SNCAIP: variants seen among roughly 807,000 people sequenced by gnomAD.
SNCAIP encodes synphilin-1.
In SNCAIP, 43 loss-of-function variants were observed where a neutral mutation model predicts 86.7. The ratio of observed to expected loss-of-function variants is 0.50; its 90% CI spans 0.39 to 0.64. SNCAIP has a LOEUF of 0.64. Ranked by LOEUF, SNCAIP falls within the 30% of genes least tolerant of loss-of-function variation. The probability of loss-of-function intolerance (pLI) is 0.00; values close to 1 mark genes in which losing one functional copy is unlikely to be tolerated. For synonymous variants in SNCAIP, 417 were observed against 427.2 expected, an observed-to-expected ratio of 0.98 and a Z score of 0.29; for missense variants, 981 against 1,103.1, an observed-to-expected ratio of 0.89 and a Z score of 1.57.
At position 122,335,429 on chromosome 5, in the gene SNCAIP, A is replaced by G. The variant is rs190908842; in HGVS notation, c.-47+23145A>G. Among the ~76,000 whole-genome samples, 8 of 152,344 alleles carry G rather than the reference A, an allele frequency of 5.3e-5. No homozygotes were observed. In the East Asian group the frequency reaches 1.3e-3, roughly 26 times the overall value. On this transcript the variant is annotated intron_variant, in intron 1 of 10. Coordinates refer to ENST00000261368, the MANE Select transcript of SNCAIP (RefSeq NM_005460.4). Reference sequence around the variant, plus strand: ...CAAAAGTATATATTTGTAGTTGTACAGCAAGCAGATACACCAGCTCTTTTG... The same window carrying G: ...CAAAAGTATATATTTGTAGTTGTACGGCAAGCAGATACACCAGCTCTTTTG...
At chr5:122,397,853 G>A (rs1770946591) in intron 2 of SNCAIP, among the ~76,000 whole-genome samples, 1 of 151,840 alleles carries the variant, frequency 6.6e-6, no homozygotes, top group Non-Finnish European at 1.5e-5. Context: ...CTGGAAAGAA[G>A]TTTTCAAAGT....
chr5:122,362,729 A>AAACTCATTCCGTTGGACG (rs1762433227), intron 1 of SNCAIP, among the ~76,000 whole-genome samples: 1 of 152,204 alleles, frequency 6.6e-6, no homozygotes, highest in South Asian at 2.1e-4. Flanking sequence ...GGAATGAAGC[A>AAACTCATTCCGTTGGACG]GAGGGTCCAA....
intron 3 of SNCAIP, among the ~76,000 whole-genome samples, chr5:122,414,111 GT>G (rs999474720): frequency 3.3e-5 from 5 of 151,250 alleles, no homozygotes; most frequent in Non-Finnish European, 5.9e-5. Context: ...GGATCTCAGT[GT>G]TACTCAGGCT....
At chr5:122,399,847 G>A (rs1771412239) in intron 2 of SNCAIP, among the ~76,000 whole-genome samples, 1 of 152,060 alleles carries the variant, frequency 6.6e-6, no homozygotes, top group Non-Finnish European at 1.5e-5. Flanking sequence ...TCACCCATAT[G>A]GCTTGTGAAA....
intron 1 of SNCAIP, among the ~76,000 whole-genome samples, chr5:122,382,570 G>C (rs903977814): frequency 3.8e-3 from 575 of 152,306 alleles, no homozygotes; most frequent in Non-Finnish European, 5.8e-3. Flanking sequence ...ATCCAGCTTT[G>C]TTCCGTTGCT....
intron 1 of SNCAIP, among the ~76,000 whole-genome samples, chr5:122,382,768 A>T (rs1767143240): frequency 6.6e-6 from 1 of 151,874 alleles, no homozygotes; most frequent in East Asian, 1.9e-4. Flanking sequence ...AACAGACAGG[A>T]CCCTCAGCTG....
At chr5:122,350,209 C>G (rs1759476745) in intron 1 of SNCAIP, among the ~76,000 whole-genome samples, 1 of 152,082 alleles carries the variant, frequency 6.6e-6, no homozygotes, top group South Asian at 2.1e-4. Context: ...TCCATCCCAG[C>G]TAAAAAGATT....
intron 10 of SNCAIP, among the ~76,000 whole-genome samples, chr5:122,456,844 A>G (rs1784865848): frequency 6.6e-6 from 1 of 152,250 alleles, no homozygotes; most frequent in Non-Finnish European, 1.5e-5. Context: ...TGTTGAGTGC[A>G]TCCTTCCAGA....
At chr5:122,419,981 C>T (rs1776057416) in intron 3 of SNCAIP, among the ~76,000 whole-genome samples, 1 of 152,092 alleles carries the variant, frequency 6.6e-6, no homozygotes, top group South Asian at 2.1e-4. Context: ...ACAAAGTTGC[C>T]CTTCTTCCCA....
In SNCAIP at chr5:122,445,272, A is replaced by C. The variant is rs116231289; in HGVS notation, c.1592+540A>C. 1.3e-3 allele frequency among the ~76,000 whole-genome samples: 198 copies of C among 152,342 alleles called. 1 individual carries two copies. Among genetic ancestry groups the C allele is most frequent in the African/African-American group, 4.7e-3 (195 of 41,578 alleles). On this transcript the variant is annotated intron_variant, in intron 8 of 10. Transcript: ENST00000261368. ...ATCTTCATAATAAAAAATAGTGCTC[A>C]GTCAGCATGAAGTTACTTAAAACAC... is the stretch of plus-strand genomic sequence containing the variant.
At chr5:122,350,865 G>T (rs1374022602) in intron 1 of SNCAIP, among the ~76,000 whole-genome samples, 1 of 152,154 alleles carries the variant, frequency 6.6e-6, no homozygotes, top group African/African-American at 2.4e-5. Flanking sequence ...GTGATACTAC[G>T]AGATTTCTTT....
At chr5:122,366,416 T>C (rs945906119) in intron 1 of SNCAIP, among the ~76,000 whole-genome samples, 2 of 152,182 alleles carry the variant, frequency 1.3e-5, no homozygotes, top group Non-Finnish European at 2.9e-5. Context: ...AGTCTTCTGA[T>C]TGAGTCTGCC....
intron 7 of SNCAIP, among the ~76,000 whole-genome samples, chr5:122,442,088 T>C (rs2152974884): frequency 6.6e-6 from 1 of 151,688 alleles, no homozygotes; most frequent in Admixed American, 6.6e-5. Flanking sequence ...GTAATACACT[T>C]TCTACCTTTA....
At chr5:122,448,819 A>C (rs1783062719) in intron 8 of SNCAIP, among the ~76,000 whole-genome samples, 1 of 149,576 alleles carries the variant, frequency 6.7e-6, no homozygotes, top group South Asian at 2.1e-4. Flanking sequence ...GATCGAGACC[A>C]TCCCGACTAA....
chr5:122,451,151 T>C lies in SNCAIP; in HGVS notation c.2304T>C (p.Ser768=), dbSNP rs1783615073. ...AATCCCAGTATCCAGGCTCAGGGAG[T>C]ATTCCTCCAAACCAGCCCTCTGGTG... ...DLESQYPGSG[S]IPPNQPSGDP... The change falls in exon 10 of 11, where the codon AGT becomes AGC. Residue 768 remains serine, a synonymous_variant. Transcript: ENST00000261368. 1 of 1,613,390 alleles carries C rather than the reference T, an allele frequency of 6.2e-7. No homozygotes were observed. The highest frequency in any genetic ancestry group is 8.5e-7 in the Non-Finnish European group (1 of 1,179,918).
chr5:122,392,836 GTTA>G (rs1006150875), intron 2 of SNCAIP, among the ~76,000 whole-genome samples: 2 of 152,068 alleles, frequency 1.3e-5, no homozygotes, highest in African/African-American at 4.8e-5. Context: ...GGTAGCTTTT[GTTA>G]TTATTTCACT....
rs372742925 is a variant in SNCAIP at position 122,460,509 on chromosome 5, GTC to G, written c.2755-2974_2755-2973del. Among the ~76,000 whole-genome samples, 771 of 151,976 alleles carry G rather than the reference GTC, an allele frequency of 5.1e-3. 9 individuals carry two copies. Among genetic ancestry groups the G allele is most frequent in the African/African-American group, 0.018 (735 of 41,458 alleles). On this transcript the variant is annotated intron_variant, in intron 10 of 10. Coordinates refer to ENST00000261368, the MANE Select transcript of SNCAIP (RefSeq NM_005460.4). ...CACTGCACCTGTTCTCTCTTGTTCT[GTC>G]TCTCTCTTTCCCTCTCTTTCCTATC...
intron 5 of SNCAIP, among the ~76,000 whole-genome samples, chr5:122,429,704 G>C (rs1778012349): frequency 6.6e-6 from 1 of 152,130 alleles, no homozygotes; most frequent in Non-Finnish European, 1.5e-5. Flanking sequence ...TTTAAGGAAA[G>C]TCTGTAATTA....
chr5:122,332,492 A>G (rs1326669801), intron 1 of SNCAIP, among the ~76,000 whole-genome samples: 1 of 152,220 alleles, frequency 6.6e-6, no homozygotes, highest in African/African-American at 2.4e-5. Flanking sequence ...CGGGCATAAG[A>G]TTATACTTAT....
Sources: allele counts gnomAD v4.1 joint callset (sites outside exome capture counted in the v4.1 genomes callset), GRCh38; gene constraint gnomAD v4.1.1; transcripts MANE v1.5; gene names NCBI Gene and HGNC (gene_info 2026-07-23, HGNC 2026-07-21).